CADM2: variants seen among roughly 807,000 people sequenced by gnomAD.
CADM2 encodes the protein cell adhesion molecule 2.
A neutral mutation model predicts 49.8 loss-of-function variants in CADM2; 12 were observed. The ratio of observed to expected loss-of-function variants is 0.24; its 90% CI spans 0.15 to 0.39. CADM2 has a LOEUF of 0.39. CADM2 is among the 10% of genes least tolerant of loss of function. The pLI is 1.00. For missense variants in CADM2, 378 were observed against 492.3 expected (o/e 0.77, Z 2.20); for synonymous variants, 214 against 175.4 (o/e 1.22, Z -1.74).
intron 1 of CADM2, among the ~76,000 whole-genome samples, chr3:85,291,023 G>C (rs985400061): frequency 2.0e-5 from 3 of 152,154 alleles, no homozygotes; most frequent in Non-Finnish European, 4.4e-5. Flanking sequence ...CAAAGGCAAA[G>C]AAGTTGAAAA....
chr3:84,994,348 G>A (rs539762350), intron 1 of CADM2, among the ~76,000 whole-genome samples: 3 of 152,150 alleles, frequency 2.0e-5, no homozygotes, highest in East Asian at 1.9e-4. Flanking sequence ...AATTAGCTAT[G>A]GTTTTTACTG....
At chr3:85,320,125 A>T (rs1355914107) in intron 1 of CADM2, among the ~76,000 whole-genome samples, 1 of 152,186 alleles carries the variant, frequency 6.6e-6, no homozygotes, top group East Asian at 1.9e-4. Flanking sequence ...ATGTCTGGAG[A>T]CAAGTTTTAT....
chr3:85,504,916 C>T (rs1229096455), intron 1 of CADM2, among the ~76,000 whole-genome samples: 1 of 152,168 alleles, frequency 6.6e-6, no homozygotes, highest in Non-Finnish European at 1.5e-5. Flanking sequence ...GCCGCTGGCC[C>T]GGGTGCTAAG....
intron 5 of CADM2, among the ~76,000 whole-genome samples, chr3:85,889,674 G>A (rs1277202622): frequency 6.6e-6 from 1 of 152,086 alleles, no homozygotes; most frequent in Non-Finnish European, 1.5e-5. Flanking sequence ...TGTTTTCAGA[G>A]TACAAGGAAT....
At chr3:85,212,810 T>TTCTC (rs1221512452) in intron 1 of CADM2, among the ~76,000 whole-genome samples, 1 of 102,306 alleles carries the variant, frequency 9.8e-6, no homozygotes, top group South Asian at 3.2e-4. Flanking sequence ...CTTCTTTTTC[T>TTCTC]TCTCTTTCTT....
intron 1 of CADM2, among the ~76,000 whole-genome samples, chr3:85,397,226 G>A (rs2034835686): frequency 6.6e-6 from 1 of 152,118 alleles, no homozygotes; most frequent in African/African-American, 2.4e-5. Flanking sequence ...CATACATTAA[G>A]AAGGCTATTA....
chr3:85,864,013 C>T (rs1293974152), intron 3 of CADM2, among the ~76,000 whole-genome samples: 2 of 152,028 alleles, frequency 1.3e-5, no homozygotes, highest in Non-Finnish European at 2.9e-5. Flanking sequence ...GAAGAGCACA[C>T]CCACAGAGTG....
chr3:85,583,131 A>C (rs1458075790), intron 1 of CADM2, among the ~76,000 whole-genome samples: 1 of 152,146 alleles, frequency 6.6e-6, no homozygotes, highest in African/African-American at 2.4e-5. Flanking sequence ...ACTTCATGAC[A>C]ACTGGCAGTC....
chr3:85,504,152 G>A (rs1339760638), intron 1 of CADM2, among the ~76,000 whole-genome samples: 1 of 152,088 alleles, frequency 6.6e-6, no homozygotes, highest in African/African-American at 2.4e-5. Flanking sequence ...GTTCAGATGT[G>A]TTCGGAGTTT....
rs117873023 is a variant in CADM2, at chr3:85,887,227, C to T, written c.529+900C>T. Among the ~76,000 whole-genome samples the T allele has an allele frequency of 4.7e-4, 71 of 152,184 alleles. 2 individuals are homozygous for T. In the East Asian group the frequency reaches 0.013, roughly 28 times the overall value. On this transcript the variant is annotated intron_variant, in intron 5 of 9. Transcript: ENST00000383699. Reference sequence around the variant, plus strand: ...TCAGCCTCCTGAGTAGTTGGGAATACAGGCATGCACGACCATGCTTGGCTA... The same window carrying T: ...TCAGCCTCCTGAGTAGTTGGGAATATAGGCATGCACGACCATGCTTGGCTA...
chr3:85,264,375 A>C (rs533091300), intron 1 of CADM2, among the ~76,000 whole-genome samples: 1 of 152,236 alleles, frequency 6.6e-6, no homozygotes, highest in African/African-American at 2.4e-5. Context: ...TTGCTTTACA[A>C]ATGTTTTATG....
At position 85,645,162 on chromosome 3, in the gene CADM2, A is replaced by C. The variant is rs186915196; in HGVS notation, c.62-81360A>C. Among the ~76,000 whole-genome samples the C allele has an allele frequency of 9.9e-4, 150 of 152,210 alleles. 1 individual carries two copies. Among genetic ancestry groups the C allele is most frequent in the Middle Eastern group, 3.4e-3 (1 of 294 alleles). On this transcript the variant is annotated intron_variant, in intron 1 of 9. Transcript: ENST00000383699. ...GCCATCATTTTTAATAGTTAAATTG[A>C]AATTTTGATTTATGAAAAATAAAAA...
At chr3:85,946,399 T>C (rs1177788454) in intron 7 of CADM2, among the ~76,000 whole-genome samples, 1 of 151,890 alleles carries the variant, frequency 6.6e-6, no homozygotes, top group African/African-American at 2.4e-5. Context: ...AAGCTACCAA[T>C]GACTTTCTTC....
intron 2 of CADM2, among the ~76,000 whole-genome samples, chr3:85,739,132 A>G (rs1559624344): frequency 6.6e-6 from 1 of 152,242 alleles, no homozygotes; most frequent in East Asian, 1.9e-4. Context: ...TTCCTAAAAC[A>G]TAATGGAAAG....
intron 8 of CADM2, among the ~76,000 whole-genome samples, chr3:86,024,383 G>A (rs1733601213): frequency 6.6e-6 from 1 of 152,136 alleles, no homozygotes; most frequent in Non-Finnish European, 1.5e-5. Flanking sequence ...CTCTATTGCT[G>A]AGTTATACAT....
At chr3:85,404,716 T>C (rs1278986368) in intron 1 of CADM2, among the ~76,000 whole-genome samples, 1 of 152,166 alleles carries the variant, frequency 6.6e-6, no homozygotes, top group Non-Finnish European at 1.5e-5. Flanking sequence ...ATAGGATGTA[T>C]GATGGCTTGG....
rs768848254 is a variant in CADM2, at chr3:86,074,328, C to T, written c.*7545C>T. On this transcript the variant is annotated 3_prime_UTR_variant, in exon 10 of 10. Coordinates refer to ENST00000383699, the MANE Select transcript of CADM2 (RefSeq NM_001167675.2). Reference sequence around the variant, plus strand: ...ACTTTAAATAACAGATTTTGTTACACAGGGTAAGCCAAAGGCTGTACAAGA... The same window carrying T: ...ACTTTAAATAACAGATTTTGTTACATAGGGTAAGCCAAAGGCTGTACAAGA... 3 of 151,924 alleles carry T rather than the reference C, an allele frequency of 2.0e-5. No homozygotes were observed. Among genetic ancestry groups the T allele is most frequent in the Non-Finnish European group, 2.9e-5 (2 of 67,886 alleles). The allele number at this position is 151,924 out of a possible 1,614,324, so 9.4% of individuals were successfully genotyped here.
chr3:86,061,344 C>T (rs1051054010), intron 8 of CADM2, among the ~76,000 whole-genome samples: 1 of 151,888 alleles, frequency 6.6e-6, no homozygotes, highest in Non-Finnish European at 1.5e-5. Context: ...TAATATTGGG[C>T]ATACAGATCA....
chr3:85,234,660 G>A (rs1019436462), intron 1 of CADM2, among the ~76,000 whole-genome samples: 1 of 151,962 alleles, frequency 6.6e-6, no homozygotes, highest in African/African-American at 2.4e-5. Flanking sequence ...ATAGACACGT[G>A]GTAAATACTG....
Sources: gnomAD v4.1 joint callset for allele counts (sites outside exome capture counted in the v4.1 genomes callset) on GRCh38, gnomAD v4.1.1 for gene constraint, MANE v1.5 for transcripts, NCBI Gene and HGNC (gene_info 2026-07-23, HGNC 2026-07-21) for gene names.